Variants in DGKH observed in about 807,000 individuals in gnomAD.
DGKH encodes DAG kinase eta.
Under a neutral mutation model 159.3 loss-of-function variants are expected in DGKH, and 90 were observed. That is an observed-to-expected ratio of 0.57 (90% confidence interval 0.48 to 0.67). The LOEUF (loss-of-function observed/expected upper bound fraction) is 0.67, where lower values mean the gene tolerates loss of function less well. DGKH is among the 30% of genes least tolerant of loss of function. The pLI, the probability that DGKH is intolerant of heterozygous loss-of-function variation, is 0.00. For missense variants in DGKH, 1,181 were observed against 1,506.1 expected (o/e 0.78, Z 3.57); for synonymous variants, 536 against 553.8 (o/e 0.97, Z 0.45).
chr13:42,087,640 CTGAA>C (rs368115059), intron 1 of DGKH, among the ~76,000 whole-genome samples: 1 of 151,948 alleles, frequency 6.6e-6, no homozygotes, highest in Non-Finnish European at 1.5e-5. Flanking sequence ...TGAAAATACT[CTGAA>C]TGGGATTAAC....
chr13:42,245,414 A>T (rs1958573013), downstream of DGKH, among the ~76,000 whole-genome samples: 1 of 152,222 alleles, frequency 6.6e-6, no homozygotes, highest in Non-Finnish European at 1.5e-5. Flanking sequence ...GCATCAGATC[A>T]GAGGACCAGA....
At chr13:42,049,316 G>C (rs1243235825) in intron 1 of DGKH, among the ~76,000 whole-genome samples, 1 of 152,160 alleles carries the variant, frequency 6.6e-6, no homozygotes, top group Non-Finnish European at 1.5e-5. Context: ...GGGAACCCGC[G>C]GCTCGGCGGG....
At chr13:42,085,093 T>A (rs1490807155) in intron 1 of DGKH, among the ~76,000 whole-genome samples, 1 of 152,126 alleles carries the variant, frequency 6.6e-6, no homozygotes, top group African/African-American at 2.4e-5. Context: ...AAGAAAAAAA[T>A]TTAAATTTAG....
chr13:42,178,404 G>T (rs969213673), intron 13 of DGKH, among the ~76,000 whole-genome samples, 184 bp downstream of exon 13: 1 of 152,018 alleles, frequency 6.6e-6, no homozygotes, highest in African/African-American at 2.4e-5. Context: ...TTGCAGTGGT[G>T]TATACTTAGA....
intron 20 of DGKH, among the ~76,000 whole-genome samples, chr13:42,201,024 G>A (rs1566185641): frequency 6.6e-6 from 1 of 151,278 alleles, no homozygotes; most frequent in African/African-American, 2.4e-5. Context: ...ATGGAGTCTC[G>A]CTCTGTCAAC....
intron 20 of DGKH, among the ~76,000 whole-genome samples, chr13:42,201,230 G>A (rs1400567674): frequency 6.6e-6 from 1 of 151,990 alleles, no homozygotes; most frequent in Non-Finnish European, 1.5e-5. Flanking sequence ...TGACCTCATG[G>A]TCTGCCCGCC....
chr13:42,104,719 C>T (rs1954715524), intron 1 of DGKH, among the ~76,000 whole-genome samples: 1 of 152,136 alleles, frequency 6.6e-6, no homozygotes, highest in Non-Finnish European at 1.5e-5. Context: ...TTAGCTGTTT[C>T]TCTCACACAA....
chr13:42,083,658 A>G (rs1280661305), intron 1 of DGKH, among the ~76,000 whole-genome samples: 2 of 152,078 alleles, frequency 1.3e-5, no homozygotes, highest in African/African-American at 2.4e-5. Flanking sequence ...TCCCTGAGCA[A>G]CTCGTTGCTT....
intron 1 of DGKH, among the ~76,000 whole-genome samples, chr13:42,107,075 A>C (rs1261037695): frequency 6.6e-6 from 1 of 152,262 alleles, no homozygotes; most frequent in Non-Finnish European, 1.5e-5. Context: ...AATTTTGTGC[A>C]TCACACTCCT....
At position 42,238,537 on chromosome 13, in the gene DGKH, A is replaced by G. The variant is rs1451274489; in HGVS notation, c.*9349A>G. 1 of 152,180 alleles carries G rather than the reference A, an allele frequency of 6.6e-6. No individual in the cohort carries two copies. Among genetic ancestry groups the G allele is most frequent in the African/African-American group, 2.4e-5 (1 of 41,454 alleles). 9.4% of individuals were successfully genotyped at this position (152,180 alleles called of 1,614,324 possible). ...TTCTTAGTTTAACTCCCCAAAGAGG[A>G]AAATGTCTCTTTAAACCAGTAGTTA... On this transcript the variant is annotated 3_prime_UTR_variant, in exon 30 of 30. Transcript: ENST00000337343.
intron 23 of DGKH, among the ~76,000 whole-genome samples, chr13:42,209,720 C>T (rs2138199199): frequency 1.3e-5 from 2 of 152,282 alleles, no homozygotes; most frequent in Middle Eastern, 6.8e-3. Context: ...CCTCCTCCCC[C>T]TTCTTCCCTA....
intron 30 of DGKH, among the ~76,000 whole-genome samples, chr13:42,254,631 G>GAA (rs200462395): frequency 7.2e-5 from 8 of 111,464 alleles, no homozygotes; most frequent in Admixed American, 8.9e-5. Context: ...AGCTCCGTCA[G>GAA]AAAAAAAAAA....
rs551952552 is a variant in DGKH at position 42,206,354 on chromosome 13, A to T, written c.2601+208A>T. Among the ~76,000 whole-genome samples the T allele has an allele frequency of 1.8e-4, 27 of 152,342 alleles. 1 individual carries two copies. The highest frequency in any genetic ancestry group is 6.0e-4 in the African/African-American group (25 of 41,574). The stretch of plus-strand genomic sequence containing the variant: ...CCAACTTTTCTCATGTTGAAGATAC[A>T]GATATTCGTATCTTGGGATGTATGT... On this transcript the variant is annotated intron_variant, in intron 21 of 29. Transcript: ENST00000337343.
intron 13 of DGKH, among the ~76,000 whole-genome samples, chr13:42,186,020 TG>T (rs1290566432): frequency 7.9e-6 from 1 of 127,218 alleles, no homozygotes; most frequent in Non-Finnish European, 1.8e-5. Flanking sequence ...GGTGTGTGTG[TG>T]TGTGTGTGTG....
intron 17 of DGKH, among the ~76,000 whole-genome samples, chr13:42,197,715 AAAAAT>A (rs1250907852): frequency 6.6e-6 from 1 of 152,198 alleles, no homozygotes; most frequent in East Asian, 1.9e-4. Context: ...ATCTCTAAAA[AAAAAT>A]AAAATAAAAA....
At chr13:42,179,072 A>G (rs1440744285) in intron 13 of DGKH, among the ~76,000 whole-genome samples, 1 of 152,248 alleles carries the variant, frequency 6.6e-6, no homozygotes, top group Non-Finnish European at 1.5e-5. Context: ...AAAAGTACAA[A>G]TGTAGTAACA....
rs753929156 is a variant in DGKH, at chr13:42,129,635, A to G, written c.384+3A>G. 1.9e-6 allele frequency: 3 copies of G among 1,610,194 alleles called. No homozygotes were observed. The highest frequency in any genetic ancestry group is 2.5e-6 in the Non-Finnish European group (3 of 1,177,760). ...AAAATGCTAACAACAGCTTCACGGT[A>G]TGGTTATATTCTGCTAACTCCCTTC... is the stretch of plus-strand genomic sequence containing the variant. On this transcript the variant is annotated splice_donor_region_variant and intron_variant, in intron 3 of 29. Coordinates refer to ENST00000337343, the MANE Select transcript of DGKH (RefSeq NM_178009.5).
chr13:42,064,452 G>C (rs1882412814), intron 1 of DGKH, among the ~76,000 whole-genome samples: 1 of 152,074 alleles, frequency 6.6e-6, no homozygotes, highest in Admixed American at 6.6e-5. Context: ...TGGAGGACAG[G>C]GTCAAACCAC....
intron 1 of DGKH, among the ~76,000 whole-genome samples, chr13:42,101,074 C>G (rs1954643518): frequency 6.6e-6 from 1 of 152,132 alleles, no homozygotes; most frequent in Admixed American, 6.5e-5. Context: ...AGCACTGGCT[C>G]CCCCACTAAT....
Sources: allele counts gnomAD v4.1 joint callset (sites outside exome capture counted in the v4.1 genomes callset), GRCh38; gene constraint gnomAD v4.1.1; transcripts MANE v1.5; gene names NCBI Gene and HGNC (gene_info 2026-07-23, HGNC 2026-07-21).